The following SH3TC2 variants were observed in gnomAD, a reference collection of about 807,000 sequenced individuals.
SH3TC2 encodes SH3 domain and tetratricopeptide repeat-containing protein 2.
Under a neutral mutation model 124.5 loss-of-function variants are expected in SH3TC2, and 87 were observed. The ratio of observed to expected loss-of-function variants is 0.70; its 90% CI spans 0.59 to 0.84. The LOEUF (loss-of-function observed/expected upper bound fraction) is 0.84, where lower values mean the gene tolerates loss of function less well. SH3TC2 is among the 40% of genes least tolerant of loss of function. SH3TC2 has a pLI of 0.00. For missense variants in SH3TC2, 1,536 were observed against 1,566.4 expected, an observed-to-expected ratio of 0.98 and a Z score of 0.33; for synonymous variants, 634 against 628.5, an observed-to-expected ratio of 1.01 and a Z score of -0.13.
chr5:149,038,911 C>T (rs945985771), intron 7 of SH3TC2, among the ~76,000 whole-genome samples: 3 of 152,230 alleles, frequency 2.0e-5, no homozygotes, highest in Non-Finnish European at 2.9e-5. Flanking sequence ...GAGAACCACT[C>T]GACCAGAGAA....
At chr5:149,020,216 A>T (rs939301143) in intron 12 of SH3TC2, among the ~76,000 whole-genome samples, 10 of 151,958 alleles carry the variant, frequency 6.6e-5, no homozygotes, top group African/African-American at 2.4e-4. Context: ...AATCTAGAAG[A>T]CCACATGCAT....
chr5:149,054,303 A>G (rs1402935803), intron 1 of SH3TC2, among the ~76,000 whole-genome samples: 1 of 152,178 alleles, frequency 6.6e-6, no homozygotes, highest in East Asian at 1.9e-4. Context: ...TCTTCAAATG[A>G]TTCTAATTTG....
Position 149,009,071 on chromosome 5 carries a change from T to C in SH3TC2, c.3328-70A>G. 7 of 1,595,580 alleles carry C rather than the reference T, an allele frequency of 4.4e-6. No individual in the cohort carries two copies. In the Admixed American group the frequency reaches 1.2e-4, roughly 27 times the overall value. On this transcript the variant is annotated intron_variant, in intron 14 of 16. Coordinates refer to ENST00000515425, the MANE Select transcript of SH3TC2 (RefSeq NM_024577.4). ...CAGTGCATACCATAGCTAGGAGACT[T>C]ATCTTCTACAGGCAGGGGTTGGGGA... is the stretch of plus-strand genomic sequence containing the variant.
intron 9 of SH3TC2, 62 bp downstream of exon 9, chr5:149,031,492 G>C (rs973236037): frequency 3.7e-6 from 6 of 1,609,378 alleles, no homozygotes; most frequent in Non-Finnish European, 5.1e-6. Context: ...TTCCTGGTTA[G>C]GGACACTATC....
chr5:149,027,509 T>C lies in SH3TC2; in HGVS notation c.2223A>G (p.Arg741=). 6.2e-7 allele frequency: 1 copy of C among 1,614,182 alleles called. No individual in the cohort carries two copies. ...EVSALACPML[R]QALAACEELA... is the part of the protein sequence containing the mutation. ...GTTCCTCACAGGCAGCCAGGGCCTG[T>C]CTGAGCATTGGGCAGGCCAAGGCAG... is the stretch of plus-strand genomic sequence containing the variant. The change falls in exon 11 of 17, where the codon AGA becomes AGG. Residue 741 remains arginine (R), a synonymous_variant. Coordinates refer to ENST00000515425, the MANE Select transcript of SH3TC2 (RefSeq NM_024577.4).
At chr5:149,028,838 A>G in intron 9 of SH3TC2, 120 bp from the exon 10 acceptor site, 1 of 968,122 alleles carries the variant, frequency 1.0e-6, no homozygotes, top group Non-Finnish European at 1.7e-6. Flanking sequence ...ACCTTCAGTC[A>G]TCATTAAGGA....
chr5:149,008,747 A>C, intron 15 of SH3TC2, 104 bp downstream of exon 15: 2 of 1,521,140 alleles, frequency 1.3e-6, no homozygotes, highest in Non-Finnish European at 1.8e-6. Flanking sequence ...TGGGATTTGA[A>C]CCCACACAGT....
intron 7 of SH3TC2, 92 bp from the exon 8 acceptor site, chr5:149,038,582 A>G: frequency 7.4e-7 from 1 of 1,345,864 alleles, no homozygotes; most frequent in Non-Finnish European, 1.1e-6. Context: ...AGGGGTTCCC[A>G]GACTTTAGAA....
intron 9 of SH3TC2, among the ~76,000 whole-genome samples, chr5:149,030,584 A>G (rs1259604462): frequency 6.6e-6 from 1 of 152,238 alleles, no homozygotes; most frequent in Non-Finnish European, 1.5e-5. Flanking sequence ...ATAAGGCAAT[A>G]TGATCTGCTT....
chr5:149,010,976 G>T (rs1753774593), intron 13 of SH3TC2, among the ~76,000 whole-genome samples: 1 of 152,204 alleles, frequency 6.6e-6, no homozygotes, highest in Non-Finnish European at 1.5e-5. Flanking sequence ...GCAAACAAAT[G>T]TTGGTGTCTT....
At position 148,984,227 on chromosome 5, in the gene SH3TC2, T is replaced by G. The variant is rs114939869; in HGVS notation, c.*20484A>C. 6.6e-6 allele frequency among the ~76,000 whole-genome samples: 1 copy of G among 152,126 alleles called. No individual in the cohort carries two copies. The highest frequency in any genetic ancestry group is 2.4e-5 in the African/African-American group (1 of 41,450). On this transcript the variant is annotated 3_prime_UTR_variant, in exon 17 of 17. Coordinates refer to ENST00000515425, the MANE Select transcript of SH3TC2 (RefSeq NM_024577.4). Reference sequence around the variant, plus strand: ...CCCATAGACTTCTTTTATTCTTTTTTCTTTTTGTTCCTTCGACTGGATAAT... The same window carrying G: ...CCCATAGACTTCTTTTATTCTTTTTGCTTTTTGTTCCTTCGACTGGATAAT...
At chr5:149,042,584 A>C (rs896097641) in intron 5 of SH3TC2, 110 bp downstream of exon 5, 6 of 1,378,326 alleles carry the variant, frequency 4.4e-6, no homozygotes, top group Non-Finnish European at 6.2e-6. Flanking sequence ...TCATTTGTGA[A>C]TATTCCATGT....
chr5:149,031,148 G>C (rs1754185303), intron 9 of SH3TC2, among the ~76,000 whole-genome samples: 1 of 152,152 alleles, frequency 6.6e-6, no homozygotes, highest in Non-Finnish European at 1.5e-5. Flanking sequence ...AATCTGTAAT[G>C]TGAGACAAGA....
rs376526299 is a variant in SH3TC2, at chr5:148,996,546, C to T, written c.*8165G>A. On this transcript the variant is annotated 3_prime_UTR_variant, in exon 17 of 17. Coordinates refer to ENST00000515425, the MANE Select transcript of SH3TC2 (RefSeq NM_024577.4). ...AGCTTTTTGGTCACCAGGATTACCA[C>T]GCAGCTGTTATTTCAGCCTAGCCCG... Among the ~76,000 whole-genome samples the T allele has an allele frequency of 6.6e-5, 10 of 152,274 alleles. No homozygotes were observed. Among genetic ancestry groups the T allele is most frequent in the African/African-American group, 1.4e-4 (6 of 41,554 alleles).
intron 12 of SH3TC2, among the ~76,000 whole-genome samples, chr5:149,016,907 A>G (rs1348022738): frequency 6.9e-6 from 1 of 145,794 alleles, no homozygotes; most frequent in African/African-American, 2.6e-5. Context: ...CCTGGGTAAC[A>G]GGGCGAGACT....
Position 148,983,007 on chromosome 5 carries a change from G to A in SH3TC2, c.*21704C>T, listed in dbSNP as rs1753275180. Reference sequence around the variant, plus strand: ...CATTGACATTGGCATTGACATTGATGCTGATGTCAAGGTGTTCCCTTTCCT... The same window carrying A: ...CATTGACATTGGCATTGACATTGATACTGATGTCAAGGTGTTCCCTTTCCT... On this transcript the variant is annotated 3_prime_UTR_variant, in exon 17 of 17. Transcript: ENST00000515425. Among the ~76,000 whole-genome samples the A allele has an allele frequency of 6.6e-6, 1 of 152,220 alleles. No homozygotes were observed. The highest frequency in any genetic ancestry group is 2.1e-4 in the South Asian group (1 of 4,836).
In SH3TC2 at chr5:149,010,359, G is replaced by C. The variant is rs1248868796; in HGVS notation, c.3238C>G (p.Pro1080Ala). The change falls in exon 14 of 17, where the codon CCT becomes GCT. Residue 1080 changes from proline (P) to alanine (A), a missense_variant. By Grantham distance (27) the Pro-to-Ala change is conservative. Transcript: ENST00000515425. Reference sequence around the variant, plus strand: ...TCATAAAGTTTGAGAGCCAGCAAAGGCTCCTCTGACTTCAGGGCTGTCTGG... The same window carrying C: ...TCATAAAGTTTGAGAGCCAGCAAAGCCTCCTCTGACTTCAGGGCTGTCTGG... ...AIQTALKSEE[P>A]LLALKLYEEA... The C allele has an allele frequency of 6.2e-7, 1 of 1,614,100 alleles. No individual in the cohort carries two copies. Among genetic ancestry groups the C allele is most frequent in the East Asian group, 2.2e-5 (1 of 44,884 alleles).
chr5:148,987,809 C>CTGTGTGTGTGTGTG lies in SH3TC2; in HGVS notation c.*16888_*16901dup, dbSNP rs71957589. On this transcript the variant is annotated 3_prime_UTR_variant, in exon 17 of 17. Transcript: ENST00000515425. The stretch of plus-strand genomic sequence containing the variant: ...CCTCACTCGAGGCCTCATTCAAAAT[C>CTGTGTGTGTGTGTG]TGTGTGTGTGTGTGTGTGTGTGTGT... Among the ~76,000 whole-genome samples, 8 of 135,320 alleles carry CTGTGTGTGTGTGTG rather than the reference C, an allele frequency of 5.9e-5. No individual in the cohort carries two copies. The highest frequency in any genetic ancestry group is 2.7e-4 in the South Asian group (1 of 3,768). 88.8% of individuals were successfully genotyped at this position (135,320 alleles called of 152,430 possible). A position where few individuals can be genotyped will look rare whatever the true frequency, so the allele number is the denominator to read the frequency against.
Position 148,993,531 on chromosome 5 carries a change from T to C in SH3TC2, c.*11180A>G, listed in dbSNP as rs1753454850. On this transcript the variant is annotated 3_prime_UTR_variant, in exon 17 of 17. Transcript: ENST00000515425. ...TTTCTTGATAAAAATTCAGCCATTA[T>C]TGGTGTTTTTAATGTTGTAGTTATA... 6.6e-6 allele frequency among the ~76,000 whole-genome samples: 1 copy of C among 152,242 alleles called. No homozygotes were observed. Among genetic ancestry groups the C allele is most frequent in the Non-Finnish European group, 1.5e-5 (1 of 68,034 alleles).
Sources: gnomAD v4.1 joint callset for allele counts (sites outside exome capture counted in the v4.1 genomes callset) on GRCh38, gnomAD v4.1.1 for gene constraint, MANE v1.5 for transcripts, NCBI Gene and HGNC (gene_info 2026-07-23, HGNC 2026-07-21) for gene names.